The following MACROD2 variants were observed in gnomAD, a reference collection of about 807,000 sequenced individuals.
The protein encoded by MACROD2 is ADP-ribose glycohydrolase MACROD2.
A neutral mutation model predicts 70.4 loss-of-function variants in MACROD2; 36 were observed. The observed-to-expected ratio is 0.51, with a 90% CI of 0.39 to 0.68. MACROD2 has a LOEUF of 0.68. MACROD2 is among the 30% of genes least tolerant of loss of function. MACROD2 has a pLI of 0.00. For missense variants in MACROD2, 496 were observed against 538.4 expected (o/e 0.92, Z 0.78); for synonymous variants, 172 against 178.8 (o/e 0.96, Z 0.30).
intron 3 of MACROD2, among the ~76,000 whole-genome samples, chr20:14,183,842 A>T (rs553987575): frequency 6.6e-6 from 1 of 152,200 alleles, no homozygotes; most frequent in Non-Finnish European, 1.5e-5. Context: ...CTTCTTCTGA[A>T]AAGTCCTGTT....
At chr20:15,605,566 A>G (rs764000602) in intron 8 of MACROD2, among the ~76,000 whole-genome samples, 4 of 152,018 alleles carry the variant, frequency 2.6e-5, no homozygotes, top group Admixed American at 6.6e-5. Flanking sequence ...ACCAAATAGA[A>G]TAAACAAAAT....
At chr20:15,644,776 G>A (rs959672344) in intron 8 of MACROD2, among the ~76,000 whole-genome samples, 2 of 152,134 alleles carry the variant, frequency 1.3e-5, no homozygotes, top group East Asian at 1.9e-4. Flanking sequence ...TGCAACCTCC[G>A]CCTCCCAGGC....
At chr20:15,967,392 A>G (rs6080064) in intron 12 of MACROD2, among the ~76,000 whole-genome samples, 161 bp from the exon 13 acceptor site, 11,978 of 152,184 alleles carry the variant, frequency 0.079, 620 homozygotes, top group East Asian at 0.23. Context: ...TGGGGGGAAA[A>G]AAAGCGCCTA....
At chr20:14,953,594 C>T (rs1308914158) in intron 5 of MACROD2, among the ~76,000 whole-genome samples, 3 of 152,128 alleles carry the variant, frequency 2.0e-5, no homozygotes, top group Admixed American at 6.6e-5. Flanking sequence ...CGTAAGCCAC[C>T]GTGCCCGGCC....
At chr20:15,775,743 C>G (rs6043535) in intron 8 of MACROD2, among the ~76,000 whole-genome samples, 1 of 152,194 alleles carries the variant, frequency 6.6e-6, no homozygotes, top group East Asian at 1.9e-4. Context: ...TCAGGATATC[C>G]TGAAGAAATC....
intron 8 of MACROD2, among the ~76,000 whole-genome samples, chr20:15,798,616 AC>A (rs1358084183): frequency 6.6e-6 from 1 of 152,234 alleles, no homozygotes; most frequent in East Asian, 1.9e-4. Context: ...TGACATGGTC[AC>A]ATTATAGAAG....
At position 14,503,094 on chromosome 20, in the gene MACROD2, G is replaced by A. The variant is rs540216283; in HGVS notation, c.301+9586G>A. ...ATGTGAAAAGAAGCCAGAAGCAGTAGCATTTTTCTATTCAGGCACATGCTT... is the reference window on the plus strand; with the variant it reads ...ATGTGAAAAGAAGCCAGAAGCAGTAACATTTTTCTATTCAGGCACATGCTT... On this transcript the variant is annotated intron_variant, in intron 4 of 17. Transcript: ENST00000684519. Among the ~76,000 whole-genome samples the A allele has an allele frequency of 4.6e-5, 7 of 152,280 alleles. No homozygotes were observed. The East Asian group carries it at 9.7e-4, about 21-fold the overall frequency.
At chr20:14,271,524 T>TCGTCAAAGAGCA (rs1332016456) in intron 3 of MACROD2, among the ~76,000 whole-genome samples, 1 of 151,422 alleles carries the variant, frequency 6.6e-6, no homozygotes, top group African/African-American at 2.4e-5. Flanking sequence ...CAAAAGTGGA[T>TCGTCAAAGAGCA]AAAACCACAA....
Position 15,277,142 on chromosome 20 carries a change from C to T in MACROD2, c.540+47081C>T, listed in dbSNP as rs192505843. 2.6e-4 allele frequency among the ~76,000 whole-genome samples: 39 copies of T among 152,302 alleles called. No individual in the cohort carries two copies. The East Asian group carries it at 7.5e-3, about 29-fold the overall frequency. On this transcript the variant is annotated intron_variant, in intron 6 of 17. Transcript: ENST00000684519. ...ACCAGTTAGATTTGCCCCTGGCAAC[C>T]ATCCCATCATGGTTGCAAGATGGCT...
intron 8 of MACROD2, among the ~76,000 whole-genome samples, chr20:15,719,171 A>G (rs2050749117): frequency 6.6e-6 from 1 of 152,208 alleles, no homozygotes; most frequent in Non-Finnish European, 1.5e-5. Context: ...TTCAGGTTGT[A>G]AATATTAGAA....
chr20:14,053,996 A>G (rs1414503312), intron 2 of MACROD2, among the ~76,000 whole-genome samples: 2 of 152,036 alleles, frequency 1.3e-5, no homozygotes, highest in Admixed American at 6.6e-5. Context: ...TAAGAGTGTA[A>G]CTATGTTATA....
At chr20:15,192,907 G>T (rs770346963) in intron 5 of MACROD2, among the ~76,000 whole-genome samples, 1 of 152,150 alleles carries the variant, frequency 6.6e-6, no homozygotes, top group Non-Finnish European at 1.5e-5. Flanking sequence ...CTAACAAACT[G>T]ATCTCTAACT....
At chr20:15,572,610 C>T (rs1000378976) in intron 8 of MACROD2, among the ~76,000 whole-genome samples, 1 of 151,968 alleles carries the variant, frequency 6.6e-6, no homozygotes, top group African/African-American at 2.4e-5. Flanking sequence ...ACTAACAGTA[C>T]AGTTATTTTG....
intron 4 of MACROD2, among the ~76,000 whole-genome samples, chr20:14,516,288 C>A (rs970445565): frequency 6.6e-6 from 1 of 151,868 alleles, no homozygotes; most frequent in Admixed American, 6.6e-5. Flanking sequence ...TTTTGCTGTG[C>A]AGAAGCTCTT....
chr20:15,917,098 A>G (rs1344227327), intron 10 of MACROD2, among the ~76,000 whole-genome samples: 6 of 152,134 alleles, frequency 3.9e-5, no homozygotes, highest in Non-Finnish European at 5.9e-5. Flanking sequence ...ATAATCATAG[A>G]GAGGTGCTTG....
chr20:15,030,091 A>T (rs932031994), intron 5 of MACROD2, among the ~76,000 whole-genome samples: 1 of 151,892 alleles, frequency 6.6e-6, no homozygotes. Flanking sequence ...AAAAAAAAAA[A>T]AAAAAAAACC....
intron 5 of MACROD2, among the ~76,000 whole-genome samples, chr20:14,997,809 C>A (rs1245840804): frequency 6.6e-6 from 1 of 152,152 alleles, no homozygotes; most frequent in Non-Finnish European, 1.5e-5. Context: ...ACTGTGCTGG[C>A]CTCGGGTCTC....
intron 8 of MACROD2, among the ~76,000 whole-genome samples, chr20:15,857,108 G>T (rs956611771): frequency 6.6e-6 from 1 of 152,164 alleles, no homozygotes; most frequent in Non-Finnish European, 1.5e-5. Context: ...TGGATTTATT[G>T]CAGGGATTAG....
intron 8 of MACROD2, among the ~76,000 whole-genome samples, chr20:15,699,702 AG>A (rs2050428572): frequency 6.6e-6 from 1 of 152,132 alleles, no homozygotes; most frequent in Admixed American, 6.5e-5. Context: ...AAAGGGCTTT[AG>A]TTCTTCCCTC....
Sources: gnomAD v4.1 joint callset for allele counts (sites outside exome capture counted in the v4.1 genomes callset) on GRCh38, gnomAD v4.1.1 for gene constraint, MANE v1.5 for transcripts, NCBI Gene and HGNC (gene_info 2026-07-23, HGNC 2026-07-21) for gene names.